Variants in CCDC77 observed in about 807,000 individuals in gnomAD.
The protein encoded by CCDC77 is coiled-coil domain containing 77, also known as coiled-coil domain-containing protein 77.
A neutral mutation model predicts 66.8 loss-of-function variants in CCDC77; 56 were observed. That is an observed-to-expected ratio of 0.84 (90% confidence interval 0.68 to 1.05). The LOEUF is 1.05. Among genes scored for constraint, CCDC77 ranks in the 50% least tolerant of loss-of-function variants. CCDC77 has a pLI of 0.00. For missense variants in CCDC77, 570 were observed against 576.8 expected (o/e 0.99, Z 0.12); for synonymous variants, 196 against 195.2 (o/e 1.00, Z -0.03).
At chr12:441,517 C>T (rs1945857768) in intron 12 of CCDC77, among the ~76,000 whole-genome samples, 1 of 152,130 alleles carries the variant, frequency 6.6e-6, no homozygotes, top group Non-Finnish European at 1.5e-5. Context: ...TTATCCTGGC[C>T]TCTCTTACTC....
intron 5 of CCDC77, among the ~76,000 whole-genome samples, chr12:427,378 C>A (rs1274963768): frequency 6.6e-6 from 1 of 152,076 alleles, no homozygotes; most frequent in Non-Finnish European, 1.5e-5. Context: ...TGTTGACTAC[C>A]CATCTACCTT....
chr12:411,848 A>T lies in CCDC77; in HGVS notation c.140A>T (p.Asp47Val). ...TCAACCCCCTTGCCTTCCCCCGAAG[A>T]TCGTCTGGCCAAACTCCATCCTTCT... ...LESTPLPSPE[D>V]RLAKLHPSKE... The change falls in exon 4 of 13, where the codon GAT becomes GTT. Residue 47 changes from aspartate to valine, a missense_variant. Transcript: ENST00000239830. 1 of 1,614,094 alleles carries T rather than the reference A, an allele frequency of 6.2e-7. No individual in the cohort carries two copies. The highest frequency in any genetic ancestry group is 8.5e-7 in the Non-Finnish European group (1 of 1,180,016).
rs975757744 is a variant in CCDC77 at position 442,358 on chromosome 12, T to A, written c.*438T>A. On this transcript the variant is annotated 3_prime_UTR_variant, in exon 13 of 13. Coordinates refer to ENST00000239830, the MANE Select transcript of CCDC77 (RefSeq NM_032358.4). ...CTGAGCTCGGGGAGAAGGCAGCACA[T>A]CACAACCTGTCACATTGAAATAGGC... 2 of 155,632 alleles carry A rather than the reference T, an allele frequency of 1.3e-5. No individual in the cohort carries two copies. The highest frequency in any genetic ancestry group is 1.3e-4 in the Admixed American group (2 of 15,768). 9.6% of individuals were successfully genotyped at this position (155,632 alleles called of 1,614,324 possible).
chr12:415,826 A>G (rs1945245173), intron 4 of CCDC77, among the ~76,000 whole-genome samples: 1 of 96,734 alleles, frequency 1.0e-5, no homozygotes, highest in Non-Finnish European at 2.1e-5. Flanking sequence ...TTATTTTGAG[A>G]TGAAGTCTTG....
chr12:440,677 A>G lies in CCDC77; in HGVS notation c.1102A>G (p.Ile368Val). ...KLSNMYQEQC[I>V]SLEEELARIR... ...GTCCAATATGTACCAAGAGCAGTGC[A>G]TTTCCTTAGAAGAAGAACTTGCCCG... is the stretch of plus-strand genomic sequence containing the variant. Residue 368 changes from isoleucine (I) to valine (V), a missense_variant, in exon 11 of 13, where the codon ATT becomes GTT. Coordinates refer to ENST00000239830, the MANE Select transcript of CCDC77 (RefSeq NM_032358.4). 3.7e-6 allele frequency: 6 copies of G among 1,614,186 alleles called. No individual in the cohort carries two copies. Among genetic ancestry groups the G allele is most frequent in the Non-Finnish European group, 5.1e-6 (6 of 1,180,030 alleles).
At chr12:415,659 G>T (rs1374473348) in intron 4 of CCDC77, among the ~76,000 whole-genome samples, 1 of 151,336 alleles carries the variant, frequency 6.6e-6, no homozygotes, top group Non-Finnish European at 1.5e-5. Context: ...TTGAGTTAGG[G>T]TCTTGCCCTG....
chr12:415,046 A>G (rs1945197687), intron 4 of CCDC77, among the ~76,000 whole-genome samples: 1 of 152,080 alleles, frequency 6.6e-6, no homozygotes, highest in South Asian at 2.1e-4. Context: ...AGGGTAATTC[A>G]TTCCATTTGG....
intron 2 of CCDC77, among the ~76,000 whole-genome samples, chr12:407,632 G>T (rs144265485): frequency 9.2e-4 from 140 of 152,286 alleles, no homozygotes; most frequent in East Asian, 4.6e-3. Context: ...ACCAGGAAGA[G>T]GTGTCCTGGA....
intron 2 of CCDC77, among the ~76,000 whole-genome samples, chr12:407,867 G>A (rs560593279): frequency 5.7e-5 from 8 of 140,498 alleles, no homozygotes; most frequent in East Asian, 4.3e-4. Flanking sequence ...GGCTCACTGC[G>A]ACCTCCACCT....
At chr12:389,353 C>G in exon 1 of CCDC77, 1 of 616,294 alleles carries the variant, frequency 1.6e-6, no homozygotes, top group Non-Finnish European at 2.9e-6. Context: ...AAACGGAATC[C>G]TTCCGCAGCT....
chr12:405,390 C>T (rs1944972849), intron 1 of CCDC77, 121 bp from the exon 2 acceptor site: 1 of 152,136 alleles, frequency 6.6e-6, no homozygotes, highest in Non-Finnish European at 1.5e-5. Flanking sequence ...TACTAAAAAT[C>T]ATTGAATTTA....
chr12:431,271 T>G (rs1352928258), intron 7 of CCDC77, among the ~76,000 whole-genome samples: 1 of 148,324 alleles, frequency 6.7e-6, no homozygotes. Flanking sequence ...CAGGCTGGAG[T>G]GCAATGGCGC....
intron 9 of CCDC77, among the ~76,000 whole-genome samples, chr12:433,911 G>T (rs1270640883): frequency 6.6e-6 from 1 of 152,082 alleles, no homozygotes; most frequent in Non-Finnish European, 1.5e-5. Flanking sequence ...AGTTGGTGTA[G>T]TGTATTCTTG....
intron 1 of CCDC77, among the ~76,000 whole-genome samples, chr12:392,166 T>C (rs1944764740): frequency 6.6e-6 from 1 of 151,764 alleles, no homozygotes; most frequent in South Asian, 2.1e-4. Flanking sequence ...GACAGTAACT[T>C]TTCAGAAAAA....
intron 5 of CCDC77, among the ~76,000 whole-genome samples, chr12:426,349 C>T (rs1411481659): frequency 6.6e-6 from 1 of 152,202 alleles, no homozygotes. Flanking sequence ...TAATTCTCTT[C>T]TAGCAAAGGT....
chr12:438,972 G>A (rs1318014757), intron 10 of CCDC77, among the ~76,000 whole-genome samples: 4 of 151,946 alleles, frequency 2.6e-5, no homozygotes, highest in African/African-American at 9.7e-5. Context: ...CAGCTACTTG[G>A]GAGGCTGAGG....
rs1945877668 is a variant in CCDC77, at chr12:442,641, A to G, written c.*721A>G. On this transcript the variant is annotated 3_prime_UTR_variant, in exon 13 of 13. Coordinates refer to ENST00000239830, the MANE Select transcript of CCDC77 (RefSeq NM_032358.4). The stretch of plus-strand genomic sequence containing the variant: ...ATTTTCAATAAAATATTTCACTCAA[A>G]AGATTTTCTTTGAGTTTTCTGTAAC... The G allele has an allele frequency of 6.6e-6, 1 of 152,226 alleles. No homozygotes were observed. Among genetic ancestry groups the G allele is most frequent in the Non-Finnish European group, 1.5e-5 (1 of 68,038 alleles). The allele number at this position is 152,226 out of a possible 1,614,324, so 9.4% of individuals were successfully genotyped here. A position where few individuals can be genotyped will look rare whatever the true frequency, so the allele number is the denominator to read the frequency against.
At chr12:398,251 C>A (rs939802892), upstream of CCDC77, among the ~76,000 whole-genome samples, 18 of 152,200 alleles carry the variant, frequency 1.2e-4, no homozygotes, top group African/African-American at 4.3e-4. Flanking sequence ...TCAAACCCTG[C>A]AACTGCTTTA....
intron 1 of CCDC77, among the ~76,000 whole-genome samples, chr12:392,841 A>G (rs1944774511): frequency 6.6e-6 from 1 of 152,102 alleles, no homozygotes; most frequent in Non-Finnish European, 1.5e-5. Context: ...TAAGATGTTT[A>G]AAATATTTTA....
Sources: allele counts gnomAD v4.1 joint callset (sites outside exome capture counted in the v4.1 genomes callset), GRCh38; gene constraint gnomAD v4.1.1; transcripts MANE v1.5; gene names NCBI Gene and HGNC (gene_info 2026-07-23, HGNC 2026-07-21).